DCUN1D1: variants seen among roughly 807,000 people sequenced by gnomAD.
DCUN1D1 encodes the protein defective in cullin neddylation 1 domain containing 1.
DCUN1D1 carries 3 observed loss-of-function variants against 39.0 expected under a neutral mutation model. The ratio of observed to expected loss-of-function variants is 0.08; its 90% CI spans 0.04 to 0.20. DCUN1D1 has a LOEUF of 0.20. Among genes scored for constraint, DCUN1D1 ranks in the 10% least tolerant of loss-of-function variants. The probability of loss-of-function intolerance (pLI) is 1.00; values close to 1 mark genes in which losing one functional copy is unlikely to be tolerated. For missense variants in DCUN1D1, 158 were observed against 302.4 expected (o/e 0.52, Z 3.54); for synonymous variants, 82 against 96.3 (o/e 0.85, Z 0.87).
Position 182,941,449 on chromosome 3 carries a change from C to T in DCUN1D1, c.*3645G>A, listed in dbSNP as rs1392208912. The T allele has an allele frequency of 1.3e-5, 2 of 151,934 alleles. No individual in the cohort carries two copies. Among genetic ancestry groups the T allele is most frequent in the African/African-American group, 4.8e-5 (2 of 41,368 alleles). The allele number at this position is 151,934 out of a possible 1,614,324, so 9.4% of individuals were successfully genotyped here. On this transcript the variant is annotated 3_prime_UTR_variant, in exon 7 of 7. Transcript: ENST00000292782. ...AGGCAATAAAGAGTTCAGAAATATA[C>T]TCATTTATAATCAATTAAATGATGA...
chr3:182,953,288 T>C (rs1726849564), intron 4 of DCUN1D1, among the ~76,000 whole-genome samples: 2 of 152,148 alleles, frequency 1.3e-5, no homozygotes, highest in South Asian at 4.1e-4. Flanking sequence ...AAAAGATTAA[T>C]AAGTTATAAC....
upstream of DCUN1D1, among the ~76,000 whole-genome samples, chr3:182,982,690 T>C (rs914211505): frequency 3.4e-4 from 52 of 152,214 alleles, 1 homozygote; most frequent in Admixed American, 1.0e-3. Context: ...TCACCCAGGC[T>C]GGAGTACAAT....
intron 4 of DCUN1D1, among the ~76,000 whole-genome samples, chr3:182,953,076 T>C (rs903263210): frequency 6.6e-6 from 1 of 152,208 alleles, no homozygotes; most frequent in African/African-American, 2.4e-5. Flanking sequence ...TCTGAGCAAG[T>C]GAACATGCTA....
At chr3:182,962,731 A>G (rs1560173041) in intron 3 of DCUN1D1, among the ~76,000 whole-genome samples, 1 of 152,164 alleles carries the variant, frequency 6.6e-6, no homozygotes, top group Non-Finnish European at 1.5e-5. Context: ...TGACAGAGTA[A>G]AGCAAGTCTT....
intron 1 of DCUN1D1, 128 bp from the exon 2 acceptor site, chr3:182,965,881 G>A (rs1727642772): frequency 6.1e-6 from 4 of 653,836 alleles, no homozygotes; most frequent in Non-Finnish European, 7.8e-6. Context: ...TTTAGCTTAA[G>A]ATTTATTTTT....
At chr3:182,973,052 G>A (rs546211736) in intron 1 of DCUN1D1, among the ~76,000 whole-genome samples, 5 of 141,930 alleles carry the variant, frequency 3.5e-5, no homozygotes, top group Admixed American at 6.7e-5. Flanking sequence ...CAAAAAAAAA[G>A]GGGGGGGCTC....
chr3:182,969,424 A>T (rs1220166614), intron 1 of DCUN1D1, among the ~76,000 whole-genome samples: 1 of 152,230 alleles, frequency 6.6e-6, no homozygotes, highest in Non-Finnish European at 1.5e-5. Flanking sequence ...GAGAGGGTGG[A>T]TAGAAAATTG....
intron 3 of DCUN1D1, among the ~76,000 whole-genome samples, chr3:182,962,181 G>T (rs1727431595): frequency 6.6e-6 from 1 of 152,148 alleles, no homozygotes; most frequent in African/African-American, 2.4e-5. Flanking sequence ...CTTAAGTTCT[G>T]ATGAAACCTG....
At chr3:182,973,029 C>T (rs1328174726) in intron 1 of DCUN1D1, among the ~76,000 whole-genome samples, 6 of 151,264 alleles carry the variant, frequency 4.0e-5, no homozygotes, top group Admixed American at 1.3e-4. Flanking sequence ...GCAAGAAGAG[C>T]GAAACTCCGT....
At chr3:182,957,937 CAAAAAAAAA>C (rs34998390) in intron 4 of DCUN1D1, among the ~76,000 whole-genome samples, 6 of 67,502 alleles carry the variant, frequency 8.9e-5, no homozygotes, top group Non-Finnish European at 5.0e-5. Context: ...GACCCTGCAT[CAAAAAAAAA>C]AAAAAAAAAA....
In DCUN1D1 at chr3:182,980,510, T is replaced by C; in HGVS notation, c.-21A>G. 1 of 1,239,156 alleles carries C rather than the reference T, an allele frequency of 8.1e-7. No homozygotes were observed. 76.8% of individuals were successfully genotyped at this position (1,239,156 alleles called of 1,614,324 possible). A position where few individuals can be genotyped will look rare whatever the true frequency, so the allele number is the denominator to read the frequency against. ...ACCATGTTGGTGTCCTCCAGGCCTC[T>C]CCCCTCCTCCTCCGGCTCCGCAGCG... On this transcript the variant is annotated 5_prime_UTR_variant, in exon 1 of 7. Transcript: ENST00000292782.
At chr3:182,951,647 C>T (rs377162459) in intron 4 of DCUN1D1, among the ~76,000 whole-genome samples, 21 of 105,130 alleles carry the variant, frequency 2.0e-4, no homozygotes, top group Admixed American at 1.6e-3. Context: ...AAAAAAAAAA[C>T]CACCACACAC....
Position 182,972,050 on chromosome 3 carries a change from GTT to G in DCUN1D1, c.4-6299_4-6298del, listed in dbSNP as rs397877483. 4.5e-3 allele frequency among the ~76,000 whole-genome samples: 490 copies of G among 108,844 alleles called. 1 individual carries two copies. Among genetic ancestry groups the G allele is most frequent in the African/African-American group, 0.013 (413 of 30,796 alleles). 71.4% of individuals were successfully genotyped at this position (108,844 alleles called of 152,430 possible). A position where few individuals can be genotyped will look rare whatever the true frequency, so the allele number is the denominator to read the frequency against. On this transcript the variant is annotated intron_variant, in intron 1 of 6. Transcript: ENST00000292782. The stretch of plus-strand genomic sequence containing the variant: ...TTTGGGGATGGAGCTTCTATTTAGG[GTT>G]TTTTTTTTTTTTTTTTTTTTGGTTG...
At chr3:182,975,901 T>A (rs938155937) in intron 1 of DCUN1D1, among the ~76,000 whole-genome samples, 3 of 141,032 alleles carry the variant, frequency 2.1e-5, no homozygotes, top group Non-Finnish European at 3.0e-5. Flanking sequence ...ATTTCAGAAG[T>A]GGGAGTGGAG....
In DCUN1D1 at chr3:182,944,281, C is replaced by G. The variant is rs1222098116; in HGVS notation, c.*813G>C. ...GACAGGCAGATAAGCATTTCAAAAG[C>G]ATAATGAAGTCCAATTATGTAGTGC... On this transcript the variant is annotated 3_prime_UTR_variant, in exon 7 of 7. Coordinates refer to ENST00000292782, the MANE Select transcript of DCUN1D1 (RefSeq NM_020640.4). 2 of 152,550 alleles carry G rather than the reference C, an allele frequency of 1.3e-5. No individual in the cohort carries two copies. The highest frequency in any genetic ancestry group is 2.9e-5 in the Non-Finnish European group (2 of 68,004). 9.4% of individuals were successfully genotyped at this position (152,550 alleles called of 1,614,324 possible).
At chr3:182,978,925 T>C in intron 1 of DCUN1D1, among the ~76,000 whole-genome samples, 1 of 152,312 alleles carries the variant, frequency 6.6e-6, no homozygotes, top group Middle Eastern at 3.4e-3. Context: ...GGGACCCCAC[T>C]GTCTAGGGGA....
chr3:182,970,513 C>T (rs538522909), intron 1 of DCUN1D1, among the ~76,000 whole-genome samples: 96 of 152,126 alleles, frequency 6.3e-4, no homozygotes, highest in Non-Finnish European at 1.1e-3. Flanking sequence ...GAATTTTCAC[C>T]TTCTCATCCT....
Position 182,965,612 on chromosome 3 carries a change from C to G in DCUN1D1, c.145G>C (p.Glu49Gln). The G allele has an allele frequency of 6.2e-7, 1 of 1,613,760 alleles. No homozygotes were observed. ...TTTACACTCTCTCGTATATAAAGTT[C>G]AGGATTTTGGAAAAAATTATCTGTT... ...VATDNFFQNP[E>Q]LYIRESVKGS... The change falls in exon 2 of 7, where the codon GAA (glutamate) becomes CAA (glutamine). Residue 49 changes from glutamate to glutamine, a missense_variant. Physicochemically the swap from Glu to Gln is conservative, Grantham distance 29. Around this residue, in one of 4 missense-constraint regions of DCUN1D1, gnomAD observed 107 missense variants for 174.7 expected, o/e 0.61. Transcript: ENST00000292782.
intron 3 of DCUN1D1, among the ~76,000 whole-genome samples, chr3:182,962,802 T>C (rs1727468094): frequency 6.6e-6 from 1 of 152,186 alleles, no homozygotes. Context: ...GTTTTTGAGA[T>C]GGAGTATTGC....
Sources: allele counts gnomAD v4.1 joint callset (sites outside exome capture counted in the v4.1 genomes callset), GRCh38; gene constraint gnomAD v4.1.1; regional missense constraint gnomAD v4.1.1; transcripts MANE v1.5; gene names NCBI Gene and HGNC (gene_info 2026-07-23, HGNC 2026-07-21).